The following CRACD variants were observed in gnomAD, a reference collection of about 807,000 sequenced individuals.
CRACD encodes capping protein inhibiting regulator of actin dynamics.
Under a neutral mutation model 106.8 loss-of-function variants are expected in CRACD, and 56 were observed. That is an observed-to-expected ratio of 0.52 (90% confidence interval 0.42 to 0.66). The LOEUF is 0.66. CRACD is among the 30% of genes least tolerant of loss of function. The pLI, the probability that CRACD is intolerant of heterozygous loss-of-function variation, is 0.00. For synonymous variants in CRACD, 754 were observed against 670.8 expected (o/e 1.12, Z -1.92); for missense variants, 1,730 against 1,623.2 (o/e 1.07, Z -1.13).
At chr4:56,074,749 T>A (rs994702495) in intron 1 of CRACD, among the ~76,000 whole-genome samples, 7 of 152,172 alleles carry the variant, frequency 4.6e-5, no homozygotes, top group Admixed American at 6.5e-5. Flanking sequence ...AGAGAGGGCA[T>A]CCTTGTCTTG....
chr4:56,267,508 G>A (rs1405903299), intron 2 of CRACD, among the ~76,000 whole-genome samples: 2 of 152,206 alleles, frequency 1.3e-5, no homozygotes, highest in African/African-American at 4.8e-5. Flanking sequence ...TTTCATAAAT[G>A]AGATGTCACC....
intron 2 of CRACD, among the ~76,000 whole-genome samples, chr4:56,266,207 G>GA (rs1742012953): frequency 6.6e-6 from 1 of 152,154 alleles, no homozygotes; most frequent in South Asian, 2.1e-4. Context: ...AATTACAACA[G>GA]AAAAATGCTG....
At chr4:56,121,621 G>T (rs1462831012) in intron 1 of CRACD, among the ~76,000 whole-genome samples, 2 of 151,802 alleles carry the variant, frequency 1.3e-5, no homozygotes, top group Non-Finnish European at 2.9e-5. Context: ...TCCAGCCTGG[G>T]CGACAGAGCA....
chr4:56,273,596 C>A (rs950592498), intron 3 of CRACD, among the ~76,000 whole-genome samples: 1 of 152,082 alleles, frequency 6.6e-6, no homozygotes, highest in African/African-American at 2.4e-5. Context: ...GCTTAGAAAC[C>A]AGCTCCTCTG....
At chr4:56,198,556 A>C (rs1485206811) in intron 2 of CRACD, among the ~76,000 whole-genome samples, 1 of 152,212 alleles carries the variant, frequency 6.6e-6, no homozygotes. Context: ...GTAGAAGCAT[A>C]AAACCCAGAG....
At chr4:56,197,066 C>T (rs1396036644) in intron 2 of CRACD, among the ~76,000 whole-genome samples, 1 of 152,122 alleles carries the variant, frequency 6.6e-6, no homozygotes, top group Admixed American at 6.6e-5. Context: ...TAGTTAACAT[C>T]ATCCTTCAAT....
chr4:56,323,348 C>G (rs188539727), intron 8 of CRACD, 29 bp from the exon 9 acceptor site: 1 of 1,577,674 alleles, frequency 6.3e-7, no homozygotes, highest in Non-Finnish European at 8.6e-7. Context: ...AAGTTCATTG[C>G]AAACCGTTCT....
At chr4:56,186,114 G>C (rs1737085438) in intron 2 of CRACD, among the ~76,000 whole-genome samples, 1 of 152,228 alleles carries the variant, frequency 6.6e-6, no homozygotes, top group Non-Finnish European at 1.5e-5. Flanking sequence ...CCCAAGATGA[G>C]TTGCACAGAT....
chr4:56,296,615 G>A (rs1282645766), intron 3 of CRACD, among the ~76,000 whole-genome samples: 3 of 152,180 alleles, frequency 2.0e-5, no homozygotes, highest in Non-Finnish European at 4.4e-5. Context: ...TGCCCCCAAC[G>A]CTGGCTATTC....
chr4:56,056,364 A>G (rs1322056968), intron 1 of CRACD, among the ~76,000 whole-genome samples: 1 of 152,232 alleles, frequency 6.6e-6, no homozygotes, highest in East Asian at 1.9e-4. Flanking sequence ...CCCTTTATTA[A>G]AATAACTTCT....
At chr4:56,201,713 C>T (rs1032279707) in intron 2 of CRACD, among the ~76,000 whole-genome samples, 1 of 152,094 alleles carries the variant, frequency 6.6e-6, no homozygotes, top group African/African-American at 2.4e-5. Context: ...TCCATAGAAA[C>T]AATTTTGAAA....
At chr4:56,299,030 T>G (rs1211865044) in intron 4 of CRACD, among the ~76,000 whole-genome samples, 1 of 152,226 alleles carries the variant, frequency 6.6e-6, no homozygotes, top group Non-Finnish European at 1.5e-5. Flanking sequence ...CAGGGCTGAC[T>G]GTTGACTGAG....
At chr4:56,073,509 G>A (rs887308981) in intron 1 of CRACD, among the ~76,000 whole-genome samples, 5 of 152,208 alleles carry the variant, frequency 3.3e-5, no homozygotes, top group South Asian at 2.1e-4. Flanking sequence ...ATAAGGAAAC[G>A]GAGAGTCCTT....
At chr4:56,177,233 G>T (rs1736625750) in intron 1 of CRACD, among the ~76,000 whole-genome samples, 1 of 152,112 alleles carries the variant, frequency 6.6e-6, no homozygotes, top group South Asian at 2.1e-4. Flanking sequence ...CTTGAGGTAT[G>T]TTCCTTTTAT....
intron 5 of CRACD, chr4:56,308,864 A>G: frequency 2.3e-6 from 3 of 1,288,806 alleles, no homozygotes; most frequent in Non-Finnish European, 2.0e-6. Context: ...ATGTCCTCAC[A>G]GTTATTGATG....
At chr4:56,164,084 G>C (rs1463472495) in intron 1 of CRACD, among the ~76,000 whole-genome samples, 1 of 151,446 alleles carries the variant, frequency 6.6e-6, no homozygotes, top group Non-Finnish European at 1.5e-5. Context: ...TAGAGCTTCT[G>C]TAAAAATAGA....
chr4:56,079,337 G>T (rs1435426760), intron 1 of CRACD, among the ~76,000 whole-genome samples: 1 of 151,690 alleles, frequency 6.6e-6, no homozygotes, highest in East Asian at 1.9e-4. Flanking sequence ...AATTTTAATT[G>T]CTTCATGTTT....
chr4:56,061,232 G>A (rs1732259155), intron 1 of CRACD, among the ~76,000 whole-genome samples: 2 of 152,148 alleles, frequency 1.3e-5, no homozygotes, highest in Admixed American at 6.5e-5. Flanking sequence ...GTGCAGTGGC[G>A]CAATCATGGC....
At chr4:56,211,600 G>A (rs540632418) in intron 2 of CRACD, among the ~76,000 whole-genome samples, 13 of 152,254 alleles carry the variant, frequency 8.5e-5, no homozygotes, top group Non-Finnish European at 1.3e-4. Context: ...TCAGCGGAGA[G>A]GGGATGTGCA....
Sources: gnomAD v4.1 joint callset for allele counts (sites outside exome capture counted in the v4.1 genomes callset) on GRCh38, gnomAD v4.1.1 for gene constraint, MANE v1.5 for transcripts, NCBI Gene and HGNC (gene_info 2026-07-23, HGNC 2026-07-21) for gene names.